The following BNC2 variants were observed in gnomAD, a reference collection of about 807,000 sequenced individuals.
The protein encoded by BNC2 is zinc finger protein basonuclin-2.
Under a neutral mutation model 76.3 loss-of-function variants are expected in BNC2, and 20 were observed. That is an observed-to-expected ratio of 0.26 (90% CI 0.18 to 0.38). BNC2 has a LOEUF of 0.38. BNC2 is among the 10% of genes least tolerant of loss of function. BNC2 has a pLI of 1.00. For missense variants in BNC2, 1,382 were observed against 1,399.8 expected, an observed-to-expected ratio of 0.99 and a Z score of 0.20; for synonymous variants, 582 against 514.8, an observed-to-expected ratio of 1.13 and a Z score of -1.77.
At chr9:16,452,602 G>A (rs1392530578) in intron 5 of BNC2, among the ~76,000 whole-genome samples, 1 of 152,038 alleles carries the variant, frequency 6.6e-6, no homozygotes, top group African/African-American at 2.4e-5. Context: ...TAGAGACGGG[G>A]TTTCACCATG....
rs1384908174 is a variant in BNC2, at chr9:16,727,921, G to A, written c.206C>T (p.Thr69Ile). The A allele has an allele frequency of 1.2e-6, 2 of 1,614,146 alleles. No homozygotes were observed. The highest frequency in any genetic ancestry group is 1.1e-5 in the South Asian group (1 of 91,076). The change falls in exon 3 of 7, where the codon ACT becomes ATT. Residue 69 changes from threonine (T) to isoleucine (I), a missense_variant. Thr to Ile is a moderately conservative substitution (Grantham distance 89). Coordinates refer to ENST00000380672, the MANE Select transcript of BNC2 (RefSeq NM_017637.6). ...DREPKRARDL[T>I]LRDSCTDNSM... Reference sequence around the variant, plus strand: ...GTTGTCAGTACAGGAGTCTCTTAAAGTCAAGTCTCTTGCCCTCTTTGGCTC... The same window carrying A: ...GTTGTCAGTACAGGAGTCTCTTAAAATCAAGTCTCTTGCCCTCTTTGGCTC...
At chr9:16,567,565 A>C (rs1372663590) in intron 4 of BNC2, among the ~76,000 whole-genome samples, 2 of 152,198 alleles carry the variant, frequency 1.3e-5, no homozygotes, top group Non-Finnish European at 2.9e-5. Flanking sequence ...CTTCACTTCC[A>C]ATATTTTCTG....
At chr9:16,439,022 A>T (rs962594391) in intron 5 of BNC2, among the ~76,000 whole-genome samples, 3 of 152,080 alleles carry the variant, frequency 2.0e-5, no homozygotes, top group Non-Finnish European at 4.4e-5. Flanking sequence ...TACTGTTCCT[A>T]TGACAGTGAG....
chr9:16,667,112 C>A (rs1390689965), intron 3 of BNC2, among the ~76,000 whole-genome samples: 1 of 151,930 alleles, frequency 6.6e-6, no homozygotes, highest in Admixed American at 6.6e-5. Context: ...CACACACGCA[C>A]ACACGCACAC....
rs1820491994 is a variant in BNC2 at position 16,412,723 on chromosome 9, GAGAGAGA to G, written c.*6259_*6265del. The G allele has an allele frequency of 2.7e-4, 5 of 18,502 alleles. No homozygotes were observed. In the African/African-American group the frequency reaches 2.9e-3, roughly 11 times the overall value. 1.1% of individuals were successfully genotyped at this position (18,502 alleles called of 1,614,324 possible). ...AAGAGGGAAGGAGAGAGAGAGGGGA[GAGAGAGA>G]GAGAGAGAGAGAGAGAGAGAGAGAG... On this transcript the variant is annotated 3_prime_UTR_variant, in exon 7 of 7. Coordinates refer to ENST00000380672, the MANE Select transcript of BNC2 (RefSeq NM_017637.6).
chr9:16,839,776 G>A (rs982985096), intron 1 of BNC2, among the ~76,000 whole-genome samples: 5 of 152,170 alleles, frequency 3.3e-5, no homozygotes, highest in Non-Finnish European at 5.9e-5. Context: ...CAAGAAAAAC[G>A]TAATTTCCAA....
chr9:16,793,587 C>G (rs1014707502), intron 1 of BNC2, among the ~76,000 whole-genome samples: 2 of 150,794 alleles, frequency 1.3e-5, no homozygotes, highest in Non-Finnish European at 3.0e-5. Context: ...CAGGTGGGTG[C>G]CACTATGCCT....
At chr9:16,457,943 G>C (rs1412484285) in intron 5 of BNC2, among the ~76,000 whole-genome samples, 3 of 152,164 alleles carry the variant, frequency 2.0e-5, no homozygotes, top group South Asian at 2.1e-4. Context: ...CATAAAGAGA[G>C]ATTCTGTGAT....
At chr9:16,795,414 A>G (rs549902697) in intron 1 of BNC2, among the ~76,000 whole-genome samples, 3 of 151,140 alleles carry the variant, frequency 2.0e-5, no homozygotes, top group Admixed American at 6.6e-5. Context: ...ACACTCCAGA[A>G]GTCATTGCAA....
chr9:16,497,526 CT>C (rs1246931682), intron 5 of BNC2, among the ~76,000 whole-genome samples: 1 of 152,090 alleles, frequency 6.6e-6, no homozygotes, highest in Non-Finnish European at 1.5e-5. Flanking sequence ...ACCAAGTACC[CT>C]AAATAACAAA....
rs780680061 is a variant in BNC2, at chr9:16,739,302, A to G, written c.4-817T>C. Among the ~76,000 whole-genome samples the G allele has an allele frequency of 2.6e-5, 4 of 152,192 alleles. 1 individual carries two copies. Among genetic ancestry groups the G allele is most frequent in the African/African-American group, 4.8e-5 (2 of 41,452 alleles). ...AACGTCTGATCATTATTTTGCTCCA[A>G]GAAGATTTATCTGGCAACAGTATGA... On this transcript the variant is annotated intron_variant, in intron 1 of 6. Coordinates refer to ENST00000380672, the MANE Select transcript of BNC2 (RefSeq NM_017637.6).
chr9:16,850,264 A>C (rs1586934585), intron 1 of BNC2, among the ~76,000 whole-genome samples: 1 of 152,346 alleles, frequency 6.6e-6, no homozygotes, highest in African/African-American at 2.4e-5. Flanking sequence ...CTGGCTACAA[A>C]GGGCTACAAA....
intron 3 of BNC2, among the ~76,000 whole-genome samples, chr9:16,660,639 T>G (rs1441038866): frequency 6.6e-6 from 1 of 152,056 alleles, no homozygotes; most frequent in Non-Finnish European, 1.5e-5. Flanking sequence ...GGGGAAAAAC[T>G]AAGTTTCCAC....
intron 3 of BNC2, among the ~76,000 whole-genome samples, chr9:16,589,582 C>A (rs1819867258): frequency 6.6e-6 from 1 of 151,962 alleles, no homozygotes; most frequent in Non-Finnish European, 1.5e-5. Flanking sequence ...AATCTCAGCT[C>A]ACTGCAACCT....
intron 5 of BNC2, among the ~76,000 whole-genome samples, chr9:16,462,453 G>C (rs908777087): frequency 6.6e-6 from 1 of 152,116 alleles, no homozygotes. Flanking sequence ...CTGGTGTAAA[G>C]TGGAAACCAA....
chr9:16,615,705 A>T (rs1461062880), intron 3 of BNC2, among the ~76,000 whole-genome samples: 2 of 152,196 alleles, frequency 1.3e-5, no homozygotes, highest in African/African-American at 4.8e-5. Flanking sequence ...CATAAAATTT[A>T]TATTAAATAA....
At chr9:16,509,399 T>C (rs1039101203) in intron 5 of BNC2, among the ~76,000 whole-genome samples, 11 of 152,286 alleles carry the variant, frequency 7.2e-5, no homozygotes, top group African/African-American at 2.6e-4. Context: ...CACATAAATG[T>C]CTCTAACTGT....
intron 3 of BNC2, among the ~76,000 whole-genome samples, chr9:16,636,487 G>C (rs1301109869): frequency 6.6e-6 from 1 of 151,946 alleles, no homozygotes; most frequent in Non-Finnish European, 1.5e-5. Context: ...ATTTTTTGTA[G>C]AGATAAGGTC....
At chr9:16,673,042 G>C (rs994184239) in intron 3 of BNC2, among the ~76,000 whole-genome samples, 3 of 151,938 alleles carry the variant, frequency 2.0e-5, no homozygotes, top group South Asian at 2.1e-4. Context: ...GTTTTGGGGG[G>C]GTTTTTTATT....
Sources: gnomAD v4.1 joint callset for allele counts (sites outside exome capture counted in the v4.1 genomes callset) on GRCh38, gnomAD v4.1.1 for gene constraint, MANE v1.5 for transcripts, NCBI Gene and HGNC (gene_info 2026-07-23, HGNC 2026-07-21) for gene names.